The following RCAN2 variants were observed in gnomAD, a reference collection of about 807,000 sequenced individuals.
RCAN2 encodes calcipressin-2.
RCAN2 carries 9 observed loss-of-function variants against 23.6 expected under a neutral mutation model. That is an observed-to-expected ratio of 0.38 (90% CI 0.23 to 0.67). The LOEUF is 0.67. Among genes scored for constraint, RCAN2 ranks in the 30% least tolerant of loss-of-function variants. The pLI, the probability that RCAN2 is intolerant of heterozygous loss-of-function variation, is 0.51. For missense variants in RCAN2, 273 were observed against 302.3 expected (o/e 0.90, Z 0.72); for synonymous variants, 109 against 115.7 (o/e 0.94, Z 0.37).
chr6:46,246,615 G>A, intron 4 of RCAN2, 133 bp downstream of exon 4: 1 of 748,926 alleles, frequency 1.3e-6, no homozygotes, highest in Non-Finnish European at 2.1e-6. Flanking sequence ...CCCTCTCATT[G>A]TCCACACAGA....
intron 2 of RCAN2, among the ~76,000 whole-genome samples, chr6:46,345,233 C>A (rs574580759): frequency 6.6e-6 from 1 of 151,716 alleles, no homozygotes; most frequent in Non-Finnish European, 1.5e-5. Context: ...CACTTAATAA[C>A]GAGTATTCAA....
At chr6:46,272,756 A>T (rs895679690) in intron 2 of RCAN2, among the ~76,000 whole-genome samples, 54 of 152,312 alleles carry the variant, frequency 3.5e-4, no homozygotes, top group African/African-American at 1.1e-3. Flanking sequence ...GAATTAAGAT[A>T]ATAATTTTCA....
In RCAN2 at chr6:46,232,654, A is replaced by C. The variant is rs188827650; in HGVS notation, c.572-9353T>G. ...CTAAAAATACAAAAATTAGCTGGGC[A>C]TGGTGGTGCATGCCTGAAGTCCCAG... On this transcript the variant is annotated intron_variant, in intron 4 of 4. Coordinates refer to ENST00000371374, the MANE Select transcript of RCAN2 (RefSeq NM_001251974.2). Among the ~76,000 whole-genome samples the C allele has an allele frequency of 8.0e-3, 1,221 of 152,118 alleles. 27 individuals carry two copies. The highest frequency in any genetic ancestry group is 0.028 in the African/African-American group (1,178 of 41,492).
At chr6:46,411,168 G>T (rs149417813) in intron 2 of RCAN2, among the ~76,000 whole-genome samples, 12 of 152,304 alleles carry the variant, frequency 7.9e-5, no homozygotes, top group Non-Finnish European at 1.6e-4. Context: ...ATATACCTAT[G>T]ATGGAATATT....
chr6:46,312,249 C>T (rs1171448775), intron 2 of RCAN2, among the ~76,000 whole-genome samples: 3 of 151,900 alleles, frequency 2.0e-5, no homozygotes, highest in Admixed American at 6.6e-5. Context: ...TGGTCAACTT[C>T]GGGAGTTTTA....
At chr6:46,335,428 A>G (rs1017208624) in intron 2 of RCAN2, among the ~76,000 whole-genome samples, 2 of 152,140 alleles carry the variant, frequency 1.3e-5, no homozygotes, top group Admixed American at 6.6e-5. Context: ...TTCTGTCACT[A>G]ACAACTAAAA....
chr6:46,454,092 C>G (rs925233399), intron 2 of RCAN2, among the ~76,000 whole-genome samples: 1 of 152,090 alleles, frequency 6.6e-6, no homozygotes, highest in Non-Finnish European at 1.5e-5. Flanking sequence ...GCTTCTTTTC[C>G]CCCTGCCTAA....
intron 2 of RCAN2, among the ~76,000 whole-genome samples, chr6:46,427,557 C>G (rs1767065343): frequency 6.6e-6 from 1 of 152,134 alleles, no homozygotes; most frequent in African/African-American, 2.4e-5. Flanking sequence ...GGGCTTGGGG[C>G]ATAACAAGAC....
intron 1 of RCAN2, among the ~76,000 whole-genome samples, chr6:46,464,258 G>A (rs990240554): frequency 6.6e-6 from 1 of 152,082 alleles, no homozygotes; most frequent in Admixed American, 6.5e-5. Flanking sequence ...TGAACCTAAA[G>A]TTTTGCAGTG....
chr6:46,229,132 G>C (rs1263564442), intron 4 of RCAN2, among the ~76,000 whole-genome samples: 1 of 152,212 alleles, frequency 6.6e-6, no homozygotes, highest in Non-Finnish European at 1.5e-5. Flanking sequence ...TTTCTGCTGA[G>C]AGATCAGCTG....
At chr6:46,480,657 G>A (rs1050123012) in intron 1 of RCAN2, among the ~76,000 whole-genome samples, 3 of 150,988 alleles carry the variant, frequency 2.0e-5, no homozygotes, top group East Asian at 3.9e-4. Flanking sequence ...CGGAGTCTTC[G>A]ATCTGTCACC....
At chr6:46,337,232 C>T (rs944294219) in intron 2 of RCAN2, among the ~76,000 whole-genome samples, 4 of 152,058 alleles carry the variant, frequency 2.6e-5, no homozygotes, top group East Asian at 1.9e-4. Context: ...AAGAGATACT[C>T]GTTTTTATTG....
intron 2 of RCAN2, among the ~76,000 whole-genome samples, chr6:46,429,565 A>G (rs1238919924): frequency 6.6e-6 from 1 of 152,218 alleles, no homozygotes; most frequent in Non-Finnish European, 1.5e-5. Context: ...GTTCCATATG[A>G]AACGTCTCTA....
intron 2 of RCAN2, among the ~76,000 whole-genome samples, chr6:46,339,206 G>T (rs1395684472): frequency 2.6e-5 from 4 of 151,698 alleles, no homozygotes; most frequent in Admixed American, 6.6e-5. Context: ...AGAGGTCTTG[G>T]TAGAAAGAAA....
At chr6:46,452,589 T>G (rs993009033) in intron 2 of RCAN2, among the ~76,000 whole-genome samples, 1 of 152,182 alleles carries the variant, frequency 6.6e-6, no homozygotes, top group Non-Finnish European at 1.5e-5. Flanking sequence ...ACAAGTCATT[T>G]CTGCTTACAC....
intron 4 of RCAN2, among the ~76,000 whole-genome samples, chr6:46,226,104 G>A (rs1765654721): frequency 2.0e-5 from 3 of 152,060 alleles, no homozygotes; most frequent in Non-Finnish European, 4.4e-5. Flanking sequence ...GTAGATATGT[G>A]GTATTGTTTC....
intron 2 of RCAN2, among the ~76,000 whole-genome samples, chr6:46,327,066 T>C (rs1373479745): frequency 1.3e-5 from 2 of 152,246 alleles, no homozygotes; most frequent in Non-Finnish European, 2.9e-5. Context: ...GTAATGACTA[T>C]GCAAAGCTCT....
chr6:46,355,275 G>A (rs1029513291), intron 2 of RCAN2, among the ~76,000 whole-genome samples: 1 of 152,152 alleles, frequency 6.6e-6, no homozygotes, highest in Non-Finnish European at 1.5e-5. Flanking sequence ...GGAAACTATG[G>A]AGTCTCTTCC....
intron 2 of RCAN2, chr6:46,326,028 A>T (rs1763785039): frequency 3.7e-6 from 1 of 273,526 alleles, no homozygotes; most frequent in African/African-American, 2.3e-5. Flanking sequence ...GCATTTTGCA[A>T]ATTGCTTGGC....
Sources: allele counts gnomAD v4.1 joint callset (sites outside exome capture counted in the v4.1 genomes callset), GRCh38; gene constraint gnomAD v4.1.1; transcripts MANE v1.5; gene names NCBI Gene and HGNC (gene_info 2026-07-23, HGNC 2026-07-21).